Variants in TAFA1 observed in about 807,000 individuals in gnomAD.
TAFA1 encodes the protein chemokine-like protein TAFA-1.
Under a neutral mutation model 18.5 loss-of-function variants are expected in TAFA1, and 4 were observed. The observed-to-expected ratio is 0.22, with a 90% CI of 0.11 to 0.49. The LOEUF (loss-of-function observed/expected upper bound fraction) is 0.49, where lower values mean the gene tolerates loss of function less well. TAFA1 is among the 20% of genes least tolerant of loss of function. The probability of loss-of-function intolerance (pLI) is 0.98; values close to 1 mark genes in which losing one functional copy is unlikely to be tolerated. For missense variants in TAFA1, 147 were observed against 169.0 expected (o/e 0.87, Z 0.72); for synonymous variants, 56 against 55.2 (o/e 1.01, Z -0.06).
intron 2 of TAFA1, among the ~76,000 whole-genome samples, chr3:68,296,124 G>T (rs918404290): frequency 6.6e-6 from 1 of 152,074 alleles, no homozygotes; most frequent in Non-Finnish European, 1.5e-5. Context: ...TTCTCATCAG[G>T]GATCCTTGCT....
chr3:67,997,784 AAAAG>A, the TAFA1 span, among the ~76,000 whole-genome samples: 2 of 152,096 alleles, frequency 1.3e-5, no homozygotes, highest in Non-Finnish European at 1.5e-5. Flanking sequence ...ATCCTATAGA[AAAAG>A]AAAGGCATTC....
chr3:68,087,493 G>A (rs1032635587), intron 2 of TAFA1, among the ~76,000 whole-genome samples: 7 of 151,516 alleles, frequency 4.6e-5, no homozygotes, highest in Non-Finnish European at 7.4e-5. Context: ...AATGTCCTCA[G>A]GATTTTTGTC....
intron 2 of TAFA1, among the ~76,000 whole-genome samples, chr3:68,299,705 T>C (rs1049313665): frequency 1.3e-5 from 2 of 152,210 alleles, no homozygotes; most frequent in Non-Finnish European, 2.9e-5. Context: ...GAAAAAATAC[T>C]TCTGTGGACC....
At chr3:68,211,564 ACT>A (rs1416212245) in intron 2 of TAFA1, among the ~76,000 whole-genome samples, 1 of 152,006 alleles carries the variant, frequency 6.6e-6, no homozygotes, top group Non-Finnish European at 1.5e-5. Flanking sequence ...GAGTGGAGAA[ACT>A]CTGTTTTAGT....
chr3:68,285,253 G>C (rs141168492), intron 2 of TAFA1, among the ~76,000 whole-genome samples: 7 of 152,182 alleles, frequency 4.6e-5, no homozygotes, highest in Non-Finnish European at 7.3e-5. Flanking sequence ...AGTCAGAATA[G>C]TATTTACTCT....
intron 2 of TAFA1, among the ~76,000 whole-genome samples, chr3:68,040,583 A>C (rs767022084): frequency 6.6e-6 from 1 of 152,186 alleles, no homozygotes; most frequent in Non-Finnish European, 1.5e-5. Context: ...TATTTCGAGA[A>C]GGTTGTTAAG....
At chr3:68,326,304 C>T (rs78151890) in intron 2 of TAFA1, among the ~76,000 whole-genome samples, 2,480 of 152,190 alleles carry the variant, frequency 0.016, 68 homozygotes, top group African/African-American at 0.055. Context: ...AATGTGTCTT[C>T]AGTTGTTTTA....
intron 2 of TAFA1, among the ~76,000 whole-genome samples, chr3:68,371,661 AT>A (rs1474510770): frequency 1.3e-5 from 2 of 152,206 alleles, no homozygotes; most frequent in East Asian, 3.8e-4. Flanking sequence ...AGACTTTGCT[AT>A]TGTAAATAGT....
At chr3:68,176,737 C>T (rs1446055965) in intron 2 of TAFA1, among the ~76,000 whole-genome samples, 1 of 152,182 alleles carries the variant, frequency 6.6e-6, no homozygotes. Flanking sequence ...GACACCCAGG[C>T]CACATAAAAT....
chr3:68,289,636 AT>A (rs1283529289), intron 2 of TAFA1, among the ~76,000 whole-genome samples: 2 of 152,090 alleles, frequency 1.3e-5, no homozygotes, highest in Admixed American at 6.5e-5. Context: ...GTGAGAAATG[AT>A]TATGGCTTGG....
At chr3:68,527,491 C>G (rs2073125441) in intron 3 of TAFA1, among the ~76,000 whole-genome samples, 1 of 152,128 alleles carries the variant, frequency 6.6e-6, no homozygotes, top group African/African-American at 2.4e-5. Flanking sequence ...TATATACTTA[C>G]TTGTTTTAAT....
At position 68,294,363 on chromosome 3, in the gene TAFA1, A is replaced by G. The variant is rs544510134; in HGVS notation, c.119-122917A>G. Among the ~76,000 whole-genome samples the G allele has an allele frequency of 1.2e-3, 179 of 152,328 alleles. 2 individuals are homozygous for G. The South Asian group carries it at 0.036, about 31-fold the overall frequency. On this transcript the variant is annotated intron_variant, in intron 2 of 4. Transcript: ENST00000478136. ...AATATATCCCCAATATCATTTTAAC[A>G]TGTAATTGGTGGAAAAATTTATTAA... is the stretch of plus-strand genomic sequence containing the variant.
chr3:68,251,336 A>T (rs558600543), intron 2 of TAFA1, among the ~76,000 whole-genome samples: 1 of 152,214 alleles, frequency 6.6e-6, no homozygotes, highest in Non-Finnish European at 1.5e-5. Context: ...AAAGTTTGCT[A>T]TGGCTATATG....
At chr3:68,425,252 T>C (rs912890908) in intron 3 of TAFA1, among the ~76,000 whole-genome samples, 2 of 151,950 alleles carry the variant, frequency 1.3e-5, no homozygotes, top group Non-Finnish European at 2.9e-5. Context: ...CACGATGAAA[T>C]ACTGAGATAA....
intron 2 of TAFA1, among the ~76,000 whole-genome samples, chr3:68,288,077 C>T (rs898639047): frequency 3.3e-5 from 5 of 152,166 alleles, no homozygotes; most frequent in Non-Finnish European, 7.4e-5. Flanking sequence ...CCTTTGCTCT[C>T]AATTCTCATT....
At chr3:68,488,383 T>G (rs1277992034) in intron 3 of TAFA1, among the ~76,000 whole-genome samples, 1 of 152,212 alleles carries the variant, frequency 6.6e-6, no homozygotes, top group Non-Finnish European at 1.5e-5. Flanking sequence ...CCACTCAGAT[T>G]GAGGGTGGGT....
chr3:68,410,705 CAAAAAAAAAAA>C lies in TAFA1; in HGVS notation c.119-6557_119-6547del, dbSNP rs34714719. ...CAAAAAAGAGACCATTTTCCATAAG[CAAAAAAAAAAA>C]AAAAAAAAAAAAAAAAAGGAAGCTG... is the stretch of plus-strand genomic sequence containing the variant. On this transcript the variant is annotated intron_variant, in intron 2 of 4. Coordinates refer to ENST00000478136, the MANE Select transcript of TAFA1 (RefSeq NM_213609.4). Among the ~76,000 whole-genome samples, 66 of 36,658 alleles carry C rather than the reference CAAAAAAAAAAA, an allele frequency of 1.8e-3. 2 individuals are homozygous for C. The East Asian group carries it at 0.041, about 23-fold the overall frequency. 24.0% of individuals were successfully genotyped at this position (36,658 alleles called of 152,430 possible).
chr3:68,371,573 T>C (rs1313822964), intron 2 of TAFA1, among the ~76,000 whole-genome samples: 2 of 152,206 alleles, frequency 1.3e-5, no homozygotes, highest in Non-Finnish European at 2.9e-5. Flanking sequence ...TTTTTATGGC[T>C]GCATAGTATT....
At chr3:68,411,364 C>G (rs1164981068) in intron 2 of TAFA1, among the ~76,000 whole-genome samples, 1 of 152,102 alleles carries the variant, frequency 6.6e-6, no homozygotes, top group East Asian at 1.9e-4. Context: ...TGGTTAGGTT[C>G]CATATTATTT....
Sources: allele counts gnomAD v4.1 joint callset (sites outside exome capture counted in the v4.1 genomes callset), GRCh38; gene constraint gnomAD v4.1.1; transcripts MANE v1.5; gene names NCBI Gene and HGNC (gene_info 2026-07-23, HGNC 2026-07-21).